Variants in ABCG2 observed in about 807,000 individuals in gnomAD.
The protein encoded by ABCG2 is broad substrate specificity ATP-binding cassette transporter ABCG2.
ABCG2 carries 80 observed loss-of-function variants against 73.5 expected under a neutral mutation model. That is an observed-to-expected ratio of 1.09 (90% confidence interval 0.91 to 1.31). ABCG2 has a LOEUF of 1.31. ABCG2 is among the 50% of genes most tolerant of loss of function. ABCG2 has a pLI of 0.00. For missense variants in ABCG2, 796 were observed against 786.2 expected, an observed-to-expected ratio of 1.01 and a Z score of -0.15; for synonymous variants, 269 against 282.4, an observed-to-expected ratio of 0.95 and a Z score of 0.48.
rs183322988 is a variant in ABCG2 at position 88,090,285 on chromosome 4, T to C, written c.*1949A>G. Reference sequence around the variant, plus strand: ...AAAATAGGATATAATTAAATTCTCATTTATTTAAAAAGTTAATAATTGTGG... The same window carrying C: ...AAAATAGGATATAATTAAATTCTCACTTATTTAAAAAGTTAATAATTGTGG... On this transcript the variant is annotated 3_prime_UTR_variant, in exon 16 of 16. Coordinates refer to ENST00000237612, the MANE Select transcript of ABCG2 (RefSeq NM_004827.3). The C allele has an allele frequency of 3.9e-5, 6 of 152,262 alleles. No homozygotes were observed. The East Asian group carries it at 1.2e-3, about 29-fold the overall frequency. The allele number at this position is 152,262 out of a possible 1,614,324, so 9.4% of individuals were successfully genotyped here.
At chr4:88,216,806 G>A (rs1268118011) in intron 1 of ABCG2, among the ~76,000 whole-genome samples, 1 of 152,142 alleles carries the variant, frequency 6.6e-6, no homozygotes, top group Non-Finnish European at 1.5e-5. Context: ...GAGGAGGGCA[G>A]ATCACCTGAG....
At chr4:88,207,040 C>T (rs1286644924) in intron 1 of ABCG2, among the ~76,000 whole-genome samples, 1 of 152,172 alleles carries the variant, frequency 6.6e-6, no homozygotes, top group Non-Finnish European at 1.5e-5. Flanking sequence ...GGTGATCCAC[C>T]CGCCTTGGCC....
upstream of ABCG2, among the ~76,000 whole-genome samples, chr4:88,164,256 G>C (rs1209239256): frequency 6.6e-6 from 1 of 152,150 alleles, no homozygotes; most frequent in Non-Finnish European, 1.5e-5. Context: ...AGTAGAGACA[G>C]GGTTTTGCCA....
chr4:88,139,717 T>C, intron 2 of ABCG2, 76 bp downstream of exon 2: 1 of 1,327,680 alleles, frequency 7.5e-7, no homozygotes, highest in Non-Finnish European at 1.0e-6. Flanking sequence ...AGCCAGTTTC[T>C]TGGAAATAGC....
intron 1 of ABCG2, among the ~76,000 whole-genome samples, chr4:88,143,037 A>C (rs1725747371): frequency 6.6e-6 from 1 of 152,216 alleles, no homozygotes. Context: ...TTTCCTATAC[A>C]ATATAGTATC....
intron 1 of ABCG2, among the ~76,000 whole-genome samples, chr4:88,192,812 A>G (rs1728752045): frequency 6.6e-6 from 1 of 151,816 alleles, no homozygotes; most frequent in Non-Finnish European, 1.5e-5. Flanking sequence ...CCTGGGTTCA[A>G]GTGATTCTCC....
Position 88,097,540 on chromosome 4 carries a change from G to A in ABCG2, c.1560C>T (p.Ala520=), listed in dbSNP as rs755812649. The change falls in exon 13 of 16, where the codon GCC becomes GCT. Residue 520 remains alanine, a synonymous_variant. Coordinates refer to ENST00000237612, the MANE Select transcript of ABCG2 (RefSeq NM_004827.3). ...MFTLMMVAYS[A]SSMALAIAAG... ...CTGCTATGGCCAGTGCCATGGAACT[G>A]GCTGAATAAGCCACCATCATAAGGG... 1 of 1,614,146 alleles carries A rather than the reference G, an allele frequency of 6.2e-7. No homozygotes were observed. The highest frequency in any genetic ancestry group is 1.7e-5 in the Admixed American group (1 of 60,022).
At chr4:88,130,991 G>C (rs748375556) in intron 5 of ABCG2, 70 bp downstream of exon 5, 98 of 1,545,432 alleles carry the variant, frequency 6.3e-5, no homozygotes, top group Non-Finnish European at 8.4e-5. Context: ...TTCTGAATCA[G>C]AGTCATTTTA....
At chr4:88,221,827 C>A (rs1212806162) in intron 1 of ABCG2, among the ~76,000 whole-genome samples, 1 of 152,088 alleles carries the variant, frequency 6.6e-6, no homozygotes, top group Non-Finnish European at 1.5e-5. Context: ...AAACTTGCAG[C>A]CTGATGATGC....
chr4:88,214,464 C>A (rs190964090), intron 1 of ABCG2, among the ~76,000 whole-genome samples: 5 of 152,164 alleles, frequency 3.3e-5, no homozygotes. Flanking sequence ...TGTTTTAAGC[C>A]TTTAAGTTTT....
intron 15 of ABCG2, among the ~76,000 whole-genome samples, chr4:88,093,766 C>G (rs1158823852): frequency 6.6e-6 from 1 of 152,130 alleles, no homozygotes; most frequent in African/African-American, 2.4e-5. Context: ...CTTGAACATT[C>G]AGGAGATTGA....
chr4:88,109,840 T>C (rs1723012184), intron 9 of ABCG2, among the ~76,000 whole-genome samples: 1 of 152,206 alleles, frequency 6.6e-6, no homozygotes, highest in Non-Finnish European at 1.5e-5. Context: ...TAAAACAACA[T>C]ACAAAATCAT....
At chr4:88,160,815 C>T (rs796495996), upstream of ABCG2, among the ~76,000 whole-genome samples, 8 of 141,466 alleles carry the variant, frequency 5.7e-5, no homozygotes, top group African/African-American at 2.1e-4. Context: ...TGTCACTGCA[C>T]TCTAGCCTGG....
rs191728842 is a variant in ABCG2, at chr4:88,202,795, G to C, written c.-20+28199C>G. Among the ~76,000 whole-genome samples the C allele has an allele frequency of 2.6e-3, 400 of 152,200 alleles. 2 individuals are homozygous for C. Among genetic ancestry groups the C allele is most frequent in the African/African-American group, 8.5e-3 (351 of 41,534 alleles). On this transcript the variant is annotated intron_variant, in intron 1 of 15. Coordinates refer to the ABCG2 transcript ENST00000515655. ...GATCACTGGAGCCCAGGAGTTGGAG[G>C]TTACGGTGAGCCTTGATCACACCAC...
chr4:88,163,815 T>A (rs1023163639), upstream of ABCG2: 2 of 295,868 alleles, frequency 6.8e-6, no homozygotes, highest in African/African-American at 4.5e-5. Flanking sequence ...GAATAAGGAA[T>A]GTTCCATACC....
chr4:88,200,559 T>C (rs919289606), intron 1 of ABCG2, among the ~76,000 whole-genome samples: 2 of 151,956 alleles, frequency 1.3e-5, no homozygotes, highest in African/African-American at 4.8e-5. Context: ...AAGGAGAACA[T>C]TAATGTGCAG....
chr4:88,125,322 A>C (rs1157195669), intron 5 of ABCG2, among the ~76,000 whole-genome samples: 1 of 126,278 alleles, frequency 7.9e-6, no homozygotes, highest in African/African-American at 3.0e-5. Flanking sequence ...AAACTGCACA[A>C]CTATGACTGG....
chr4:88,141,169 C>T (rs140381545), intron 1 of ABCG2, among the ~76,000 whole-genome samples: 39 of 152,172 alleles, frequency 2.6e-4, no homozygotes, highest in Admixed American at 4.6e-4. Flanking sequence ...CTAAGCACAA[C>T]GACAAAAGTA....
intron 1 of ABCG2, among the ~76,000 whole-genome samples, chr4:88,204,939 T>G (rs1002056147): frequency 6.6e-6 from 1 of 152,222 alleles, no homozygotes; most frequent in African/African-American, 2.4e-5. Context: ...GTCAAAAGAT[T>G]TGCCATTTAA....
Sources: gnomAD v4.1 joint callset for allele counts (sites outside exome capture counted in the v4.1 genomes callset) on GRCh38, gnomAD v4.1.1 for gene constraint, MANE v1.5 for transcripts, NCBI Gene and HGNC (gene_info 2026-07-23, HGNC 2026-07-21) for gene names.